The following RPS6KA1 variants were observed in gnomAD, a reference collection of about 807,000 sequenced individuals.
RPS6KA1 encodes the protein ribosomal protein S6 kinase A1.
Under a neutral mutation model 91.3 loss-of-function variants are expected in RPS6KA1, and 48 were observed. That is an observed-to-expected ratio of 0.53 (90% confidence interval 0.42 to 0.67). The LOEUF (loss-of-function observed/expected upper bound fraction) is 0.67, where lower values mean the gene tolerates loss of function less well. Among genes scored for constraint, RPS6KA1 ranks in the 30% least tolerant of loss-of-function variants. The pLI is 0.00. For missense variants in RPS6KA1, 719 were observed against 960.5 expected (o/e 0.75, Z 3.32); for synonymous variants, 359 against 384.7 (o/e 0.93, Z 0.78).
intron 17 of RPS6KA1, among the ~76,000 whole-genome samples, chr1:26,563,143 T>C (rs1418878468): frequency 6.6e-6 from 1 of 151,550 alleles, no homozygotes; most frequent in African/African-American, 2.4e-5. Flanking sequence ...CCGGCCCCCA[T>C]TGTCCTTTCA....
chr1:26,572,325 G>A, intron 20 of RPS6KA1, 32 bp downstream of exon 20: 1 of 1,466,032 alleles, frequency 6.8e-7, no homozygotes, highest in African/African-American at 1.4e-5. Flanking sequence ...GGGCTTATTT[G>A]GAGGAGGGAG....
At chr1:26,566,152 A>C (rs756895260) in intron 17 of RPS6KA1, among the ~76,000 whole-genome samples, 1 of 152,152 alleles carries the variant, frequency 6.6e-6, no homozygotes, top group Non-Finnish European at 1.5e-5. Flanking sequence ...ACAGTTTTCC[A>C]GAGTGCTTTT....
Position 26,571,123 on chromosome 1 carries a change from A to C in RPS6KA1, c.1591-326A>C. On this transcript the variant is annotated intron_variant, in intron 17 of 21. Transcript: ENST00000374168. This position sits in a 1 kb window ranked among gnomAD's most constrained non-coding sequence, Gnocchi z 5.1. ...GGTGACAGAGGAAGACTCCATCTCAAAAAAAAAAGACTTTTAAGATTTTGA... is the reference window on the plus strand; with the variant it reads ...GGTGACAGAGGAAGACTCCATCTCACAAAAAAAAGACTTTTAAGATTTTGA... 1 of 223,168 alleles carries C rather than the reference A, an allele frequency of 4.5e-6. No homozygotes were observed. Among genetic ancestry groups the C allele is most frequent in the Non-Finnish European group, 8.9e-6 (1 of 112,006 alleles). 13.8% of individuals were successfully genotyped at this position (223,168 alleles called of 1,614,324 possible).
chr1:26,549,572 A>T (rs1449823494), intron 4 of RPS6KA1, among the ~76,000 whole-genome samples: 2 of 151,774 alleles, frequency 1.3e-5, no homozygotes, highest in Non-Finnish European at 2.9e-5. Flanking sequence ...CTGTCCCATT[A>T]AAAAAAAGTC....
intron 2 of RPS6KA1, among the ~76,000 whole-genome samples, chr1:26,537,726 G>A (rs1351214841): frequency 6.6e-6 from 1 of 152,212 alleles, no homozygotes; most frequent in African/African-American, 2.4e-5. Flanking sequence ...AGCTGCTTAG[G>A]CAGGGACAGA....
rs1256098153 is a variant in RPS6KA1 at position 26,529,886 on chromosome 1, C to T, written c.-35C>T. The T allele has an allele frequency of 6.4e-6, 9 of 1,403,904 alleles. No homozygotes were observed. The East Asian group carries it at 2.4e-4, about 37-fold the overall frequency. 87.0% of individuals were successfully genotyped at this position (1,403,904 alleles called of 1,614,324 possible). A position where few individuals can be genotyped will look rare whatever the true frequency, so the allele number is the denominator to read the frequency against. The stretch of plus-strand genomic sequence containing the variant: ...ACCCGGGAGGCGGCGCAGCCGGGGC[C>T]GCCGGAGGAGCGCGGGTGACCTGGC... On this transcript the variant is annotated 5_prime_UTR_variant, in exon 1 of 22. Coordinates refer to ENST00000374168, the MANE Select transcript of RPS6KA1 (RefSeq NM_002953.4). This position sits in a 1 kb window ranked among gnomAD's most constrained non-coding sequence, Gnocchi z 4.2.
intron 2 of RPS6KA1, among the ~76,000 whole-genome samples, chr1:26,543,520 TG>T (rs1437073090): frequency 6.6e-6 from 1 of 152,220 alleles, no homozygotes; most frequent in Non-Finnish European, 1.5e-5. Context: ...GTGGTGTTTT[TG>T]TGGGGCTGTT....
Position 26,564,460 on chromosome 1 carries a change from G to A in RPS6KA1, c.1590+2797G>A, listed in dbSNP as rs185843239. 4.2e-3 allele frequency among the ~76,000 whole-genome samples: 634 copies of A among 152,162 alleles called. 5 individuals carry two copies. The highest frequency in any genetic ancestry group is 0.014 in the African/African-American group (602 of 41,518). On this transcript the variant is annotated intron_variant, in intron 17 of 21. Coordinates refer to ENST00000374168, the MANE Select transcript of RPS6KA1 (RefSeq NM_002953.4). ...TTTTTAGTAGAGACGGGGTTTCACC[G>A]TGTTAGCCAGGATGGTTTCGATCAC...
At chr1:26,572,500 C>T (rs902767225) in intron 20 of RPS6KA1, among the ~76,000 whole-genome samples, 2 of 152,088 alleles carry the variant, frequency 1.3e-5, no homozygotes, top group Non-Finnish European at 2.9e-5. Context: ...CATTCATTGG[C>T]CCTTCTCATT....
intron 13 of RPS6KA1, among the ~76,000 whole-genome samples, chr1:26,557,477 G>A (rs2076112926): frequency 6.6e-6 from 1 of 152,146 alleles, no homozygotes; most frequent in South Asian, 2.1e-4. Flanking sequence ...CTGTGTGGTG[G>A]CTGAGCAGAG....
intron 2 of RPS6KA1, among the ~76,000 whole-genome samples, chr1:26,537,533 C>T (rs1217209241): frequency 6.6e-6 from 1 of 152,178 alleles, no homozygotes; most frequent in African/African-American, 2.4e-5. Context: ...GCCCCCTAGC[C>T]CCTGTTGCTG....
intron 1 of RPS6KA1, among the ~76,000 whole-genome samples, chr1:26,533,570 G>A (rs1250585872): frequency 6.6e-6 from 1 of 152,170 alleles, no homozygotes; most frequent in East Asian, 1.9e-4. Context: ...GCCAGGTGTG[G>A]TGGTGCGGCC....
At chr1:26,556,919 C>A in intron 12 of RPS6KA1, 79 bp from the exon 13 acceptor site, 2 of 1,275,290 alleles carry the variant, frequency 1.6e-6, no homozygotes, top group Admixed American at 1.7e-5. Flanking sequence ...GTTCCAAGCC[C>A]AGCACCTCCT....
intron 2 of RPS6KA1, among the ~76,000 whole-genome samples, 174 bp downstream of exon 2, chr1:26,537,143 T>A (rs753961534): frequency 3.9e-5 from 6 of 152,248 alleles, no homozygotes; most frequent in Non-Finnish European, 7.3e-5. Flanking sequence ...TGTTCCAACC[T>A]TCCTATTTTG....
At chr1:26,573,798 T>G (rs1309592729) in intron 21 of RPS6KA1, among the ~76,000 whole-genome samples, 1 of 151,858 alleles carries the variant, frequency 6.6e-6, no homozygotes, top group Non-Finnish European at 1.5e-5. Flanking sequence ...ATTAGCCAGG[T>G]GTGGTGGCAA....
chr1:26,541,256 C>CA (rs1236744429), intron 2 of RPS6KA1, among the ~76,000 whole-genome samples: 5,059 of 93,368 alleles, frequency 0.054, 349 homozygotes, highest in African/African-American at 0.18. Context: ...GACTCTGTCT[C>CA]AAAAAAAAAA....
At chr1:26,567,436 A>T (rs1385008038) in intron 17 of RPS6KA1, among the ~76,000 whole-genome samples, 2 of 152,080 alleles carry the variant, frequency 1.3e-5, no homozygotes, top group African/African-American at 2.4e-5. Context: ...GCTGGAGTAC[A>T]ATGGCGCAGT....
chr1:26,550,474 G>T (rs746736968), intron 4 of RPS6KA1, among the ~76,000 whole-genome samples: 14 of 151,720 alleles, frequency 9.2e-5, no homozygotes, highest in Non-Finnish European at 1.9e-4. Context: ...GAGCCACCAC[G>T]CCTGGTCCCA....
chr1:26,553,500 G>T lies in RPS6KA1; in HGVS notation c.575+3G>T. The T allele has an allele frequency of 6.3e-7, 1 of 1,599,424 alleles. No individual in the cohort carries two copies. On this transcript the variant is annotated splice_donor_region_variant and intron_variant, in intron 7 of 21. Transcript: ENST00000374168. ...TACAGAGACCTCAAGCCTGAGAAGTGAGTGAAGCCTCCAGCCCCACCCCAG... is the reference window on the plus strand; with the variant it reads ...TACAGAGACCTCAAGCCTGAGAAGTTAGTGAAGCCTCCAGCCCCACCCCAG...
Sources: allele counts gnomAD v4.1 joint callset (sites outside exome capture counted in the v4.1 genomes callset), GRCh38; gene constraint gnomAD v4.1.1; non-coding constraint Gnocchi (gnomAD v3.1); transcripts MANE v1.5; gene names NCBI Gene and HGNC (gene_info 2026-07-23, HGNC 2026-07-21).